The following KHDRBS2 variants were observed in gnomAD, a reference collection of about 807,000 sequenced individuals.
The protein encoded by KHDRBS2 is KH domain-containing, RNA-binding, signal transduction-associated protein 2.
KHDRBS2 carries 26 observed loss-of-function variants against 44.3 expected under a neutral mutation model. That is an observed-to-expected ratio of 0.59 (90% CI 0.43 to 0.81). The LOEUF is 0.81. Among genes scored for constraint, KHDRBS2 ranks in the 40% least tolerant of loss-of-function variants. KHDRBS2 has a pLI of 0.00. For synonymous variants in KHDRBS2, 194 were observed against 151.1 expected (o/e 1.28, Z -2.08); for missense variants, 476 against 433.1 (o/e 1.10, Z -0.88).
the KHDRBS2 span, among the ~76,000 whole-genome samples, chr6:61,666,454 C>A: frequency 6.6e-6 from 1 of 151,168 alleles, no homozygotes; most frequent in African/African-American, 2.4e-5. Flanking sequence ...AATTTTATTA[C>A]CAAATATATA....
At chr6:62,037,298 G>C (rs1785485130) in intron 3 of KHDRBS2, among the ~76,000 whole-genome samples, 1 of 151,748 alleles carries the variant, frequency 6.6e-6, no homozygotes, top group African/African-American at 2.4e-5. Flanking sequence ...GTATAGGTAG[G>C]AGTGACTGTG....
chr6:62,207,748 A>G (rs1360635021), intron 1 of KHDRBS2, among the ~76,000 whole-genome samples: 1 of 152,162 alleles, frequency 6.6e-6, no homozygotes, highest in Non-Finnish European at 1.5e-5. Context: ...CATTCCATAC[A>G]AAGATTAAAA....
chr6:61,855,461 A>C (rs972890039), intron 6 of KHDRBS2, among the ~76,000 whole-genome samples: 4 of 147,610 alleles, frequency 2.7e-5, no homozygotes, highest in African/African-American at 1.0e-4. Context: ...TTCTTTGAGA[A>C]TGAACTAATT....
intron 7 of KHDRBS2, among the ~76,000 whole-genome samples, chr6:61,720,389 C>A (rs1772246268): frequency 6.6e-6 from 1 of 152,040 alleles, no homozygotes; most frequent in Non-Finnish European, 1.5e-5. Context: ...TTTACAGTCC[C>A]ACCAACAGTG....
At chr6:61,896,943 T>C (rs1803037050) in intron 5 of KHDRBS2, among the ~76,000 whole-genome samples, 1 of 152,172 alleles carries the variant, frequency 6.6e-6, no homozygotes. Context: ...TTTCTCTACT[T>C]TTCCTCATTC....
intron 6 of KHDRBS2, among the ~76,000 whole-genome samples, chr6:61,808,107 T>A (rs1162376124): frequency 6.6e-6 from 1 of 152,200 alleles, no homozygotes; most frequent in Admixed American, 6.6e-5. Context: ...GCAAACCTAT[T>A]TACTTATTTA....
chr6:62,264,094 G>A (rs1838803517), intron 1 of KHDRBS2, among the ~76,000 whole-genome samples: 1 of 151,360 alleles, frequency 6.6e-6, no homozygotes, highest in Admixed American at 6.6e-5. Flanking sequence ...ATGTAAATTG[G>A]GTATACAGCC....
In KHDRBS2 at chr6:62,105,251, C is replaced by T. The variant is rs147303385; in HGVS notation, c.220-57257G>A. ...ATTCTTCCAAAAAGTTGAAGTAGGGCAAGAAACACCCATCTCATTCAAACA... is the reference window on the plus strand; with the variant it reads ...ATTCTTCCAAAAAGTTGAAGTAGGGTAAGAAACACCCATCTCATTCAAACA... On this transcript the variant is annotated intron_variant, in intron 2 of 8. Coordinates refer to ENST00000281156, the MANE Select transcript of KHDRBS2 (RefSeq NM_152688.4). 4.7e-3 allele frequency among the ~76,000 whole-genome samples: 710 copies of T among 152,250 alleles called. 7 individuals carry two copies. Among genetic ancestry groups the T allele is most frequent in the African/African-American group, 0.016 (673 of 41,536 alleles).
At chr6:61,837,611 A>G (rs755137368) in intron 6 of KHDRBS2, among the ~76,000 whole-genome samples, 17 of 151,996 alleles carry the variant, frequency 1.1e-4, no homozygotes, top group Admixed American at 3.9e-4. Context: ...GAATGACCAC[A>G]CTGGCAAAAG....
chr6:61,665,872 A>C, the KHDRBS2 span, among the ~76,000 whole-genome samples: 1 of 150,978 alleles, frequency 6.6e-6, no homozygotes, highest in Non-Finnish European at 1.5e-5. Flanking sequence ...TAGTTCTGAA[A>C]TTTCTGTTCT....
At chr6:62,203,201 A>G (rs1031035541) in intron 1 of KHDRBS2, among the ~76,000 whole-genome samples, 4 of 152,110 alleles carry the variant, frequency 2.6e-5, no homozygotes, top group African/African-American at 4.8e-5. Flanking sequence ...TTTTGTCTTC[A>G]TCCTCATGGC....
In KHDRBS2 at chr6:62,166,512, A is replaced by T. The variant is rs904658945; in HGVS notation, c.219+10673T>A. ...AGTTACTCCTAATTTCTCTACATGGATCCAAATGTCTTTCAACAAGTTGGC... is the reference window on the plus strand; with the variant it reads ...AGTTACTCCTAATTTCTCTACATGGTTCCAAATGTCTTTCAACAAGTTGGC... On this transcript the variant is annotated intron_variant, in intron 2 of 8. Coordinates refer to ENST00000281156, the MANE Select transcript of KHDRBS2 (RefSeq NM_152688.4). 3.9e-5 allele frequency among the ~76,000 whole-genome samples: 6 copies of T among 152,158 alleles called. No homozygotes were observed. The South Asian group carries it at 1.2e-3, about 32-fold the overall frequency.
intron 4 of KHDRBS2, among the ~76,000 whole-genome samples, chr6:61,977,120 A>C (rs1367963682): frequency 6.6e-6 from 1 of 152,092 alleles, no homozygotes; most frequent in East Asian, 1.9e-4. Context: ...TCCCATTCTT[A>C]AAATCACTGC....
At chr6:61,931,140 A>G in intron 4 of KHDRBS2, among the ~76,000 whole-genome samples, 1 of 152,180 alleles carries the variant, frequency 6.6e-6, no homozygotes, top group African/African-American at 2.4e-5. Flanking sequence ...TTTGTTAAAA[A>G]TATAAGAAGT....
intron 3 of KHDRBS2, among the ~76,000 whole-genome samples, chr6:62,032,005 T>C (rs1784418329): frequency 1.3e-5 from 2 of 152,080 alleles, no homozygotes; most frequent in Non-Finnish European, 2.9e-5. Flanking sequence ...CTTGTGTTAC[T>C]CCAACCCCAG....
chr6:61,561,863 C>T, the KHDRBS2 span, among the ~76,000 whole-genome samples: 1 of 152,140 alleles, frequency 6.6e-6, no homozygotes, highest in Non-Finnish European at 1.5e-5. Context: ...AAATCTATAT[C>T]TCTTCCCTCC....
At chr6:62,270,127 C>T (rs1839835307) in intron 1 of KHDRBS2, among the ~76,000 whole-genome samples, 2 of 152,062 alleles carry the variant, frequency 1.3e-5, no homozygotes, top group Admixed American at 1.3e-4. Flanking sequence ...ATGTGATCCA[C>T]AGTGTTGGAG....
chr6:62,069,373 T>A lies in KHDRBS2; in HGVS notation c.220-21379A>T, dbSNP rs1270158991. ...TCCAACCGTAAGTTTATGTCACCTGTTTAGAAGACGCATAGTCTGTGTGAA... is the reference window on the plus strand; with the variant it reads ...TCCAACCGTAAGTTTATGTCACCTGATTAGAAGACGCATAGTCTGTGTGAA... On this transcript the variant is annotated intron_variant, in intron 2 of 8. Transcript: ENST00000281156. Among the ~76,000 whole-genome samples, 7 of 151,788 alleles carry A rather than the reference T, an allele frequency of 4.6e-5. 1 individual carries two copies. In the South Asian group the frequency reaches 1.4e-3, roughly 31 times the overall value.
intron 6 of KHDRBS2, among the ~76,000 whole-genome samples, chr6:61,803,270 T>C (rs1436899618): frequency 6.6e-6 from 1 of 152,134 alleles, no homozygotes; most frequent in Non-Finnish European, 1.5e-5. Flanking sequence ...ATGGAAACAA[T>C]GATTATTAAG....
Sources: allele counts gnomAD v4.1 joint callset (sites outside exome capture counted in the v4.1 genomes callset), GRCh38; gene constraint gnomAD v4.1.1; transcripts MANE v1.5; gene names NCBI Gene and HGNC (gene_info 2026-07-23, HGNC 2026-07-21).